The following KLHL1 variants were observed in gnomAD, a reference collection of about 807,000 sequenced individuals.
KLHL1 encodes kelch like family member 1, also known as kelch-like protein 1.
Under a neutral mutation model 77.7 loss-of-function variants are expected in KLHL1, and 47 were observed. That is an observed-to-expected ratio of 0.60 (90% CI 0.48 to 0.77). The LOEUF (loss-of-function observed/expected upper bound fraction) is 0.77. Among genes scored for constraint, KLHL1 ranks in the 30% least tolerant of loss-of-function variants. KLHL1 has a pLI of 0.00. For missense variants in KLHL1, 925 were observed against 910.8 expected, an observed-to-expected ratio of 1.02 and a Z score of -0.20; for synonymous variants, 360 against 325.2, an observed-to-expected ratio of 1.11 and a Z score of -1.15.
At chr13:69,779,328 T>TCTTCCTTC (rs111574350) in intron 7 of KLHL1, among the ~76,000 whole-genome samples, 34,875 of 148,848 alleles carry the variant, frequency 0.23, 4,144 homozygotes, top group South Asian at 0.3. Flanking sequence ...TTAAAAAAGG[T>TCTTCCTTC]CTTCCTTCCT....
intron 1 of KLHL1, among the ~76,000 whole-genome samples, chr13:70,005,840 A>T (rs1719831466): frequency 6.6e-6 from 1 of 151,992 alleles, no homozygotes; most frequent in South Asian, 2.1e-4. Flanking sequence ...TATTAGTAAA[A>T]ATAAGAAAAA....
At chr13:69,876,363 A>G (rs541145702) in intron 5 of KLHL1, among the ~76,000 whole-genome samples, 1 of 152,316 alleles carries the variant, frequency 6.6e-6, no homozygotes, top group South Asian at 2.1e-4. Flanking sequence ...TTTCCAATGA[A>G]AAAGGTTGGA....
intron 3 of KLHL1, among the ~76,000 whole-genome samples, chr13:69,946,989 T>C (rs1707546896): frequency 6.6e-6 from 1 of 151,804 alleles, no homozygotes; most frequent in Non-Finnish European, 1.5e-5. Flanking sequence ...TTTAATATCT[T>C]AAAAACTTGA....
intron 1 of KLHL1, among the ~76,000 whole-genome samples, chr13:70,097,265 G>T (rs1887814157): frequency 6.6e-6 from 1 of 151,926 alleles, no homozygotes; most frequent in Admixed American, 6.6e-5. Context: ...GCTATATCAA[G>T]AATAGATTTT....
intron 7 of KLHL1, among the ~76,000 whole-genome samples, chr13:69,746,106 T>G (rs1396932159): frequency 6.6e-6 from 1 of 151,638 alleles, no homozygotes; most frequent in Non-Finnish European, 1.5e-5. Context: ...TTAAATTTTC[T>G]ATTTGTTTCA....
intron 7 of KLHL1, among the ~76,000 whole-genome samples, chr13:69,795,539 T>G (rs1877066679): frequency 6.6e-6 from 1 of 152,216 alleles, no homozygotes; most frequent in South Asian, 2.1e-4. Flanking sequence ...TAAGACAAAG[T>G]GTAAATTCAA....
intron 6 of KLHL1, among the ~76,000 whole-genome samples, chr13:69,833,983 A>C (rs1878878195): frequency 6.6e-6 from 1 of 151,976 alleles, no homozygotes; most frequent in African/African-American, 2.4e-5. Context: ...GTAACCCAGC[A>C]ATGGAAAACC....
intron 4 of KLHL1, among the ~76,000 whole-genome samples, chr13:69,888,198 T>C (rs992545394): frequency 9.9e-5 from 15 of 152,088 alleles, no homozygotes; most frequent in Non-Finnish European, 2.1e-4. Flanking sequence ...CTAATCCCAT[T>C]TATCAAGGCA....
At chr13:69,859,099 C>T (rs1256707222) in intron 5 of KLHL1, among the ~76,000 whole-genome samples, 1 of 151,936 alleles carries the variant, frequency 6.6e-6, no homozygotes, top group Admixed American at 6.6e-5. Flanking sequence ...GCAATTTTAC[C>T]TTCAAAATAT....
chr13:70,009,065 G>C (rs888994699), intron 1 of KLHL1, among the ~76,000 whole-genome samples: 1 of 151,932 alleles, frequency 6.6e-6, no homozygotes, highest in South Asian at 2.1e-4. Flanking sequence ...AATAATTGGG[G>C]GGTTTTGAAA....
intron 4 of KLHL1, among the ~76,000 whole-genome samples, chr13:69,901,412 AG>A (rs1279931162): frequency 1.3e-5 from 2 of 152,198 alleles, no homozygotes; most frequent in Admixed American, 1.3e-4. Flanking sequence ...GAATGAGTTG[AG>A]GGATAAATTA....
Position 70,108,153 on chromosome 13 carries a change from G to A in KLHL1, c.-454C>T, listed in dbSNP as rs918390204. 8 of 401,036 alleles carry A rather than the reference G, an allele frequency of 2.0e-5. No individual in the cohort carries two copies. Among genetic ancestry groups the A allele is most frequent in the African/African-American group, 6.2e-5 (3 of 48,582 alleles). 24.8% of individuals were successfully genotyped at this position (401,036 alleles called of 1,614,324 possible). A position where few individuals can be genotyped will look rare whatever the true frequency, so the allele number is the denominator to read the frequency against. On this transcript the variant is annotated 5_prime_UTR_variant, in exon 1 of 11. The change creates a new upstream start codon in the 5' untranslated region. Transcript: ENST00000377844. ...GAGCCTTAGTAGGGAAGGTGGTGGCGTTCTTGTCCTTGCAGCTCAGAGTTC... is the reference window on the plus strand; with the variant it reads ...GAGCCTTAGTAGGGAAGGTGGTGGCATTCTTGTCCTTGCAGCTCAGAGTTC...
At chr13:70,042,884 A>T (rs1225594572) in intron 1 of KLHL1, among the ~76,000 whole-genome samples, 1 of 152,132 alleles carries the variant, frequency 6.6e-6, no homozygotes, top group Non-Finnish European at 1.5e-5. Context: ...TGGAGGGGGA[A>T]GACAGTGATA....
At chr13:69,823,334 A>G (rs1015197276) in intron 6 of KLHL1, among the ~76,000 whole-genome samples, 2 of 152,178 alleles carry the variant, frequency 1.3e-5, no homozygotes, top group Non-Finnish European at 2.9e-5. Flanking sequence ...ACTAAAGTTT[A>G]TAAGTGTTAT....
At chr13:69,708,095 A>C (rs1404143626) in intron 9 of KLHL1, among the ~76,000 whole-genome samples, 4 of 152,000 alleles carry the variant, frequency 2.6e-5, no homozygotes, top group Non-Finnish European at 4.4e-5. Context: ...TATTATCCAC[A>C]GTAGAATTAG....
intron 7 of KLHL1, among the ~76,000 whole-genome samples, chr13:69,784,604 A>G (rs11842167): frequency 0.37 from 54,346 of 148,154 alleles, 10,326 homozygotes; most frequent in African/African-American, 0.46. Flanking sequence ...TTACATAATG[A>G]TAAAGGGATC....
At chr13:69,865,224 A>C (rs141820558) in intron 5 of KLHL1, among the ~76,000 whole-genome samples, 157 of 152,302 alleles carry the variant, frequency 1.0e-3, no homozygotes, top group African/African-American at 3.4e-3. Flanking sequence ...GGCCTGAGCC[A>C]GTGCACTCGG....
intron 1 of KLHL1, among the ~76,000 whole-genome samples, chr13:69,985,295 C>T (rs1243989853): frequency 6.6e-6 from 1 of 151,888 alleles, no homozygotes; most frequent in Non-Finnish European, 1.5e-5. Flanking sequence ...AAAGAAAAAA[C>T]CAATCTGAGT....
intron 3 of KLHL1, among the ~76,000 whole-genome samples, chr13:69,958,335 T>C (rs1883956104): frequency 6.6e-6 from 1 of 151,810 alleles, no homozygotes; most frequent in Non-Finnish European, 1.5e-5. Context: ...TCTCATCTAA[T>C]TTTTTGGACT....
Sources: gnomAD v4.1 joint callset for allele counts (sites outside exome capture counted in the v4.1 genomes callset) on GRCh38, gnomAD v4.1.1 for gene constraint, MANE v1.5 for transcripts, NCBI Gene and HGNC (gene_info 2026-07-23, HGNC 2026-07-21) for gene names.